RASGRP3: variants seen among roughly 807,000 people sequenced by gnomAD.
RASGRP3 encodes ras guanyl-releasing protein 3.
Under a neutral mutation model 82.7 loss-of-function variants are expected in RASGRP3, and 54 were observed. The ratio of observed to expected loss-of-function variants is 0.65; its 90% CI spans 0.52 to 0.82. RASGRP3 has a LOEUF of 0.82. Among genes scored for constraint, RASGRP3 ranks in the 40% least tolerant of loss-of-function variants. The probability of loss-of-function intolerance (pLI) is 0.00; values close to 1 mark genes in which losing one functional copy is unlikely to be tolerated. For missense variants in RASGRP3, 861 were observed against 828.9 expected (o/e 1.04, Z -0.48); for synonymous variants, 309 against 300.5 (o/e 1.03, Z -0.29).
chr2:33,537,320 ACCGCCC>A (rs1673725915), intron 11 of RASGRP3, among the ~76,000 whole-genome samples: 1 of 33,322 alleles, frequency 3.0e-5, no homozygotes, highest in African/African-American at 1.5e-4. Context: ...ACACACACAC[ACCGCCC>A]CCCCCACACA....
chr2:33,496,239 G>C (rs113957574), intron 1 of RASGRP3, among the ~76,000 whole-genome samples: 82 of 152,282 alleles, frequency 5.4e-4, no homozygotes, highest in Admixed American at 3.3e-3. Flanking sequence ...ATCAGATAAA[G>C]AGAAAAAAGT....
chr2:33,530,701 C>T (rs566942108), intron 10 of RASGRP3, among the ~76,000 whole-genome samples: 1 of 152,162 alleles, frequency 6.6e-6, no homozygotes, highest in African/African-American at 2.4e-5. Flanking sequence ...TCATGATGTG[C>T]AGTAAAGGAA....
intron 11 of RASGRP3, among the ~76,000 whole-genome samples, chr2:33,537,719 A>G (rs1041613189): frequency 6.6e-6 from 1 of 152,240 alleles, no homozygotes; most frequent in Non-Finnish European, 1.5e-5. Flanking sequence ...TGTGTGCACC[A>G]GCAAAAATGT....
At chr2:33,550,980 ATC>A (rs1233993447) in intron 14 of RASGRP3, among the ~76,000 whole-genome samples, 1 of 152,178 alleles carries the variant, frequency 6.6e-6, no homozygotes. Context: ...CTTCTTTAGT[ATC>A]TCCACTGGGA....
At chr2:33,505,402 A>C (rs1025711153) in intron 1 of RASGRP3, among the ~76,000 whole-genome samples, 2 of 151,672 alleles carry the variant, frequency 1.3e-5, no homozygotes, top group African/African-American at 4.8e-5. Flanking sequence ...TCCCGGGCTC[A>C]AGTGATTCTC....
intron 1 of RASGRP3, among the ~76,000 whole-genome samples, chr2:33,500,608 A>G (rs1669774246): frequency 1.3e-5 from 2 of 152,142 alleles, no homozygotes; most frequent in African/African-American, 4.8e-5. Flanking sequence ...GCCATAGACC[A>G]AGGAAGGAAA....
chr2:33,453,813 T>C (rs1665913465), intron 2 of RASGRP3, among the ~76,000 whole-genome samples: 1 of 152,250 alleles, frequency 6.6e-6, no homozygotes, highest in Non-Finnish European at 1.5e-5. Flanking sequence ...ATTTTTCTCC[T>C]TTGTACTTTT....
chr2:33,534,681 G>A (rs981285140), intron 11 of RASGRP3, among the ~76,000 whole-genome samples: 4 of 146,892 alleles, frequency 2.7e-5, no homozygotes, highest in African/African-American at 5.1e-5. Flanking sequence ...GGTGCACACT[G>A]CCACACCCAG....
intron 1 of RASGRP3, among the ~76,000 whole-genome samples, chr2:33,498,122 A>G (rs1408207138): frequency 6.6e-6 from 1 of 152,170 alleles, no homozygotes; most frequent in Non-Finnish European, 1.5e-5. Context: ...GAATCATTGC[A>G]TCCCTCAGTA....
At position 33,546,496 on chromosome 2, in the gene RASGRP3, A is replaced by G. The variant is rs116693638; in HGVS notation, c.1394+2869A>G. On this transcript the variant is annotated intron_variant, in intron 13 of 17. Coordinates refer to ENST00000403687, the MANE Select transcript of RASGRP3 (RefSeq NM_001139488.2). ...TGCAGAGGAAAGGGAACACTTATAC[A>G]CTGTTGGGAGTATAATTCATTCAAC... Among the ~76,000 whole-genome samples the G allele has an allele frequency of 6.0e-3, 917 of 152,214 alleles. 9 individuals are homozygous for G. The highest frequency in any genetic ancestry group is 0.021 in the African/African-American group (868 of 41,550).
At chr2:33,546,651 G>C (rs940297055) in intron 13 of RASGRP3, among the ~76,000 whole-genome samples, 3 of 152,172 alleles carry the variant, frequency 2.0e-5, no homozygotes, top group African/African-American at 4.8e-5. Flanking sequence ...ACAGGCATAT[G>C]AGTGTTCATT....
rs866650578 is a variant in RASGRP3, at chr2:33,564,222, A to G, written c.*1485A>G. ...CTTAGCCCTTGGGAGCTGACAGCCC[A>G]TGGGCATTAAGGCAAAGTAGTTCCA... On this transcript the variant is annotated 3_prime_UTR_variant, in exon 18 of 18. Coordinates refer to ENST00000403687, the MANE Select transcript of RASGRP3 (RefSeq NM_001139488.2). The G allele has an allele frequency of 2.6e-5, 4 of 152,214 alleles. No individual in the cohort carries two copies. The highest frequency in any genetic ancestry group is 4.8e-5 in the African/African-American group (2 of 41,454). 9.4% of individuals were successfully genotyped at this position (152,214 alleles called of 1,614,324 possible).
chr2:33,448,757 T>C (rs1265232388), intron 2 of RASGRP3, among the ~76,000 whole-genome samples: 1 of 152,314 alleles, frequency 6.6e-6, no homozygotes, highest in Non-Finnish European at 1.5e-5. Flanking sequence ...TTGCACAACA[T>C]TGTGAATGTA....
intron 1 of RASGRP3, among the ~76,000 whole-genome samples, chr2:33,486,470 A>C (rs1668390807): frequency 6.7e-6 from 1 of 149,846 alleles, no homozygotes; most frequent in African/African-American, 2.5e-5. Context: ...TCCTGGCCTC[A>C]CTTGGTATTT....
intron 2 of RASGRP3, among the ~76,000 whole-genome samples, chr2:33,468,324 TTGTAC>T (rs199749940): frequency 0.012 from 1,869 of 152,326 alleles, 106 homozygotes; most frequent in Admixed American, 0.091. Context: ...AAAAATGGGA[TTGTAC>T]TGAATAAACT....
chr2:33,512,032 C>A (rs1185184004), intron 2 of RASGRP3, among the ~76,000 whole-genome samples, 190 bp downstream of exon 2: 1 of 152,086 alleles, frequency 6.6e-6, no homozygotes, highest in Non-Finnish European at 1.5e-5. Flanking sequence ...GATAAAGAAG[C>A]CTTATTCTGA....
At chr2:33,476,075 G>A (rs1276535545), upstream of RASGRP3, among the ~76,000 whole-genome samples, 3 of 152,098 alleles carry the variant, frequency 2.0e-5, no homozygotes, top group Admixed American at 1.3e-4. Context: ...TAGCAGCCCC[G>A]GCCTTTGAAG....
chr2:33,558,104 C>T (rs1377251318), intron 15 of RASGRP3, 107 bp from the exon 16 acceptor site: 3 of 1,425,298 alleles, frequency 2.1e-6, no homozygotes, highest in African/African-American at 2.8e-5. Context: ...AAATTCAACA[C>T]AGAAACTGGG....
chr2:33,539,304 T>C, intron 12 of RASGRP3, 94 bp downstream of exon 12: 1 of 1,021,840 alleles, frequency 9.8e-7, no homozygotes, highest in Non-Finnish European at 1.5e-6. Flanking sequence ...ATGGAACCCC[T>C]GAAAACAACC....
Sources: allele counts gnomAD v4.1 joint callset (sites outside exome capture counted in the v4.1 genomes callset), GRCh38; gene constraint gnomAD v4.1.1; transcripts MANE v1.5; gene names NCBI Gene and HGNC (gene_info 2026-07-23, HGNC 2026-07-21).